Variants in C10orf67 observed in about 807,000 individuals in gnomAD.
The protein encoded by C10orf67 is chromosome 10 open reading frame 67.
A neutral mutation model predicts 35.6 loss-of-function variants in C10orf67; 60 were observed. The ratio of observed to expected loss-of-function variants is 1.68; its 90% CI spans 1.37 to 2.09. The LOEUF is 2.09. C10orf67 is among the 30% of genes most tolerant of loss of function. The pLI is 0.00. For synonymous variants in C10orf67, 167 were observed against 115.8 expected, an observed-to-expected ratio of 1.44 and a Z score of -2.84; for missense variants, 474 against 330.2, an observed-to-expected ratio of 1.44 and a Z score of -3.38.
intron 8 of C10orf67, among the ~76,000 whole-genome samples, chr10:23,269,082 A>C (rs1419540527): frequency 6.6e-6 from 1 of 152,220 alleles, no homozygotes; most frequent in Admixed American, 6.5e-5. Context: ...TTTCTAGAAA[A>C]TGTAATAAAT....
chr10:23,257,720 C>T (rs1842640136), intron 10 of C10orf67, among the ~76,000 whole-genome samples: 1 of 151,980 alleles, frequency 6.6e-6, no homozygotes, highest in South Asian at 2.1e-4. Flanking sequence ...GGAGGATGGC[C>T]TGAACCCAGG....
chr10:23,240,278 T>A (rs1206354572), intron 12 of C10orf67, among the ~76,000 whole-genome samples: 1 of 152,162 alleles, frequency 6.6e-6, no homozygotes, highest in African/African-American at 2.4e-5. Flanking sequence ...GTAATGGCAA[T>A]GATCACCCCT....
chr10:23,283,660 C>T (rs547597894), intron 7 of C10orf67, among the ~76,000 whole-genome samples: 1 of 152,312 alleles, frequency 6.6e-6, no homozygotes, highest in East Asian at 1.9e-4. Context: ...GGAAACCACA[C>T]GCCCTTTGCT....
intron 8 of C10orf67, among the ~76,000 whole-genome samples, chr10:23,273,585 C>T (rs1796512675): frequency 6.6e-6 from 1 of 152,162 alleles, no homozygotes; most frequent in Admixed American, 6.5e-5. Context: ...TCCTTGAGTA[C>T]AATCTCTCTT....
At chr10:23,254,441 C>G (rs1038746935) in intron 10 of C10orf67, among the ~76,000 whole-genome samples, 1 of 152,160 alleles carries the variant, frequency 6.6e-6, no homozygotes, top group Admixed American at 6.5e-5. Context: ...AACTCCTGAT[C>G]TCAGGTGATC....
chr10:23,257,052 T>C (rs1340686465), intron 10 of C10orf67, among the ~76,000 whole-genome samples: 4 of 152,126 alleles, frequency 2.6e-5, no homozygotes, highest in Non-Finnish European at 5.9e-5. Context: ...ATATATTATG[T>C]CAATGGGAAA....
At chr10:23,255,030 A>G (rs1444497656) in intron 10 of C10orf67, among the ~76,000 whole-genome samples, 1 of 152,110 alleles carries the variant, frequency 6.6e-6, no homozygotes, top group Non-Finnish European at 1.5e-5. Context: ...TCATATTAAC[A>G]TTTTTTAACC....
intron 5 of C10orf67, among the ~76,000 whole-genome samples, chr10:23,292,444 AG>A (rs1430180296): frequency 6.6e-6 from 1 of 152,124 alleles, no homozygotes. Context: ...TTTGATCTTA[AG>A]GTCATCACAG....
chr10:23,306,668 C>A (rs764257859), intron 4 of C10orf67, among the ~76,000 whole-genome samples: 3 of 151,958 alleles, frequency 2.0e-5, no homozygotes, highest in African/African-American at 7.2e-5. Context: ...AGTATGGTGA[C>A]TATGGTTAAT....
chr10:23,255,499 G>A (rs1842575669), intron 10 of C10orf67, among the ~76,000 whole-genome samples: 2 of 152,212 alleles, frequency 1.3e-5, no homozygotes, highest in Non-Finnish European at 2.9e-5. Context: ...GGCCACAAAA[G>A]TCTGTCTGGG....
chr10:23,241,318 C>T (rs981046181), intron 12 of C10orf67, among the ~76,000 whole-genome samples: 2 of 152,166 alleles, frequency 1.3e-5, no homozygotes, highest in Non-Finnish European at 2.9e-5. Flanking sequence ...TGAATTATAA[C>T]CAGAGTCTCA....
At chr10:23,323,952 T>TATATATATATATACACACAC (rs1564513730) in intron 2 of C10orf67, among the ~76,000 whole-genome samples, 3 of 64,682 alleles carry the variant, frequency 4.6e-5, no homozygotes, top group Non-Finnish European at 1.0e-4. Flanking sequence ...TATATATATA[T>TATATATATATATACACACAC]ACACACACAC....
At chr10:23,244,995 G>A (rs1441537004) in intron 12 of C10orf67, among the ~76,000 whole-genome samples, 1 of 152,296 alleles carries the variant, frequency 6.6e-6, no homozygotes, top group South Asian at 2.1e-4. Context: ...TGATTGTACT[G>A]ACATGAAAAT....
At position 23,327,739 on chromosome 10, in the gene C10orf67, C is replaced by T. The variant is rs1010462663; in HGVS notation, c.328-5202G>A. Among the ~76,000 whole-genome samples, 4 of 151,640 alleles carry T rather than the reference C, an allele frequency of 2.6e-5. No individual in the cohort carries two copies. In the East Asian group the frequency reaches 5.8e-4, roughly 22 times the overall value. ...ACTCAGGAGGCTGAGGCAGGAGAAT[C>T]GCTTGAACCTGGGAGGTGGAGGTTG... On this transcript the variant is annotated intron_variant, in intron 2 of 15. Transcript: ENST00000636213.
At chr10:23,231,957 A>C (rs567020432) in intron 13 of C10orf67, among the ~76,000 whole-genome samples, 68 of 151,612 alleles carry the variant, frequency 4.5e-4, no homozygotes, top group African/African-American at 1.5e-3. Flanking sequence ...AAACCGGCAA[A>C]ATTCAACAAC....
Position 23,291,134 on chromosome 10 carries a change from A to G in C10orf67, c.848T>C (p.Leu283Ser), listed in dbSNP as rs1843708493. ...CAAAAGTGATTTCAAAATGTTACCT[A>G]ATCCTGAATTTTCTTTTAGATTGAT... ...IQINLKENSG[L>S]EDELISMKEM... The change falls in exon 6 of 16, where the codon TTA becomes TCA. Residue 283 changes from leucine (L) to serine (S), a missense_variant and splice_region_variant. Coordinates refer to ENST00000636213, the MANE Select transcript of C10orf67 (RefSeq NM_001371909.1). 1.4e-6 allele frequency: 1 copy of G among 707,734 alleles called. No homozygotes were observed. Among genetic ancestry groups the G allele is most frequent in the Non-Finnish European group, 2.6e-6 (1 of 382,308 alleles). The allele number at this position is 707,734 out of a possible 1,614,324, so 43.8% of individuals were successfully genotyped here. A position where few individuals can be genotyped will look rare whatever the true frequency, so the allele number is the denominator to read the frequency against.
intron 2 of C10orf67, among the ~76,000 whole-genome samples, chr10:23,323,435 T>C (rs1845036541): frequency 6.6e-6 from 1 of 151,690 alleles, no homozygotes; most frequent in Non-Finnish European, 1.5e-5. Context: ...GCCTGGGCAA[T>C]AGAGTGAGAC....
At chr10:23,259,118 A>C (rs540571539) in intron 10 of C10orf67, among the ~76,000 whole-genome samples, 19 of 152,280 alleles carry the variant, frequency 1.2e-4, no homozygotes, top group African/African-American at 4.6e-4. Flanking sequence ...GCATCCAGGA[A>C]TTTTTCAAAC....
intron 13 of C10orf67, among the ~76,000 whole-genome samples, chr10:23,227,275 G>A (rs1017070147): frequency 3.9e-5 from 6 of 152,154 alleles, no homozygotes; most frequent in African/African-American, 7.2e-5. Flanking sequence ...ATGCAAGGCT[G>A]GTTCAACATA....
Sources: allele counts gnomAD v4.1 joint callset (sites outside exome capture counted in the v4.1 genomes callset), GRCh38; gene constraint gnomAD v4.1.1; transcripts MANE v1.5; gene names NCBI Gene and HGNC (gene_info 2026-07-23, HGNC 2026-07-21).